The following DEPTOR variants were observed in gnomAD, a reference collection of about 807,000 sequenced individuals.
DEPTOR encodes the protein DEP domain containing MTOR interacting protein.
Under a neutral mutation model 41.6 loss-of-function variants are expected in DEPTOR, and 41 were observed. The observed-to-expected ratio is 0.98, with a 90% confidence interval of 0.77 to 1.28. The LOEUF (loss-of-function observed/expected upper bound fraction) is 1.28. DEPTOR is among the 50% of genes most tolerant of loss of function. The pLI is 0.00. For missense variants in DEPTOR, 514 were observed against 527.9 expected, an observed-to-expected ratio of 0.97 and a Z score of 0.26; for synonymous variants, 195 against 192.3, an observed-to-expected ratio of 1.01 and a Z score of -0.12.
At position 120,021,670 on chromosome 8, in the gene DEPTOR, A is replaced by G. The variant is rs74513929; in HGVS notation, c.1101+12537A>G. ...TGCCATATTGCAGTATACTATTCCA[A>G]TTCTTTCTAGTCTTAGAAAAACTAA... is the stretch of plus-strand genomic sequence containing the variant. On this transcript the variant is annotated intron_variant, in intron 8 of 8. Transcript: ENST00000286234. Among the ~76,000 whole-genome samples the G allele has an allele frequency of 9.1e-3, 1,393 of 152,272 alleles. 20 individuals are homozygous for G. The highest frequency in any genetic ancestry group is 0.031 in the African/African-American group (1,285 of 41,550).
intron 8 of DEPTOR, among the ~76,000 whole-genome samples, chr8:120,010,587 A>G (rs571464059): frequency 1.3e-5 from 2 of 150,556 alleles, no homozygotes; most frequent in South Asian, 2.1e-4. Context: ...ATGTACCCCA[A>G]CCTGGGTGAC....
intron 4 of DEPTOR, among the ~76,000 whole-genome samples, chr8:119,984,880 C>T (rs966238500): frequency 6.6e-6 from 1 of 152,038 alleles, no homozygotes; most frequent in Non-Finnish European, 1.5e-5. Flanking sequence ...TTTACACTCC[C>T]ACCAACAGTA....
intron 1 of DEPTOR, among the ~76,000 whole-genome samples, chr8:119,910,019 G>A (rs910701534): frequency 9.9e-5 from 15 of 152,112 alleles, no homozygotes; most frequent in Non-Finnish European, 1.5e-5. Context: ...TGGCTTTGGC[G>A]CCTCTTGTAT....
At chr8:119,986,556 GA>G (rs1358879344) in intron 4 of DEPTOR, among the ~76,000 whole-genome samples, 1 of 151,986 alleles carries the variant, frequency 6.6e-6, no homozygotes, top group Non-Finnish European at 1.5e-5. Flanking sequence ...TGTGTTTCCT[GA>G]ATTTGAATGT....
chr8:120,024,701 GATGCTCCCCTAGAGCCATCAGAGGGAGC>G (rs1812772710), intron 8 of DEPTOR, among the ~76,000 whole-genome samples: 1 of 152,146 alleles, frequency 6.6e-6, no homozygotes, highest in Non-Finnish European at 1.5e-5. Context: ...CACAAGGAAG[GATGCTCCCCTAGAGCCATCAGAGGGAGC>G]ATGGCCTGCC....
intron 8 of DEPTOR, among the ~76,000 whole-genome samples, chr8:120,039,494 T>C (rs1813026221): frequency 6.6e-6 from 1 of 152,208 alleles, no homozygotes; most frequent in Admixed American, 6.5e-5. Context: ...CAATCTGATA[T>C]CATGTTATGA....
chr8:119,936,010 T>TG (rs1367457133), intron 3 of DEPTOR, among the ~76,000 whole-genome samples: 1 of 151,252 alleles, frequency 6.6e-6, no homozygotes, highest in Non-Finnish European at 1.5e-5. Context: ...TTTTTTTTTT[T>TG]TTTTTTTTTA....
At chr8:119,959,885 G>A (rs929940238) in intron 3 of DEPTOR, among the ~76,000 whole-genome samples, 2 of 152,086 alleles carry the variant, frequency 1.3e-5, no homozygotes, top group African/African-American at 4.8e-5. Flanking sequence ...GGTCTTTAAT[G>A]AGTTCTATTA....
At chr8:119,994,231 G>A (rs1400943320) in intron 4 of DEPTOR, among the ~76,000 whole-genome samples, 6 of 152,060 alleles carry the variant, frequency 3.9e-5, no homozygotes, top group South Asian at 2.1e-4. Context: ...CAGGGCAATC[G>A]CTTGAACCCT....
At chr8:119,943,841 T>A (rs1828234213) in intron 3 of DEPTOR, among the ~76,000 whole-genome samples, 1 of 152,022 alleles carries the variant, frequency 6.6e-6, no homozygotes, top group African/African-American at 2.4e-5. Context: ...TATTTTATTA[T>A]TATTATTATT....
At chr8:119,949,228 C>A (rs1828321630) in intron 3 of DEPTOR, among the ~76,000 whole-genome samples, 1 of 152,206 alleles carries the variant, frequency 6.6e-6, no homozygotes, top group Admixed American at 6.5e-5. Flanking sequence ...TGTTTATAGC[C>A]AACTAATTCC....
chr8:119,881,324 C>T (rs1827293787), intron 1 of DEPTOR, among the ~76,000 whole-genome samples: 2 of 152,076 alleles, frequency 1.3e-5, no homozygotes, highest in Admixed American at 6.6e-5. Flanking sequence ...AAGTTCCAGA[C>T]CAGCCTGGCC....
chr8:119,883,196 C>T (rs933798359), intron 1 of DEPTOR, among the ~76,000 whole-genome samples: 1 of 151,972 alleles, frequency 6.6e-6, no homozygotes, highest in Admixed American at 6.6e-5. Flanking sequence ...GCTTTAGGGC[C>T]GGGCGCGGTG....
At chr8:119,889,627 AAGGGAAGGGG>A (rs1827422871) in intron 1 of DEPTOR, among the ~76,000 whole-genome samples, 3 of 20,428 alleles carry the variant, frequency 1.5e-4, no homozygotes, top group East Asian at 5.8e-3. Flanking sequence ...GAGGGGAGGG[AAGGGAAGGGG>A]AGGGGAGGGG....
chr8:119,919,054 T>C (rs1827857193), intron 1 of DEPTOR, among the ~76,000 whole-genome samples: 1 of 152,184 alleles, frequency 6.6e-6, no homozygotes, highest in South Asian at 2.1e-4. Context: ...AGTTCTATTC[T>C]CTTTCCTTCT....
Position 119,873,795 on chromosome 8 carries a change from C to G in DEPTOR, c.-52C>G, listed in dbSNP as rs781625243. On this transcript the variant is annotated 5_prime_UTR_variant, in exon 1 of 9. Coordinates refer to ENST00000286234, the MANE Select transcript of DEPTOR (RefSeq NM_022783.4). ...TGTGAGGGCAGACTGATCCGAGCAC[C>G]CAAACCCTCGGCGGACAGCGGAGCC... is the stretch of plus-strand genomic sequence containing the variant. 28 of 1,604,054 alleles carry G rather than the reference C, an allele frequency of 1.7e-5. No homozygotes were observed. The highest frequency in any genetic ancestry group is 2.3e-5 in the Non-Finnish European group (27 of 1,175,436).
intron 6 of DEPTOR, among the ~76,000 whole-genome samples, chr8:120,004,099 C>G (rs976779104): frequency 3.3e-5 from 5 of 152,308 alleles, no homozygotes; most frequent in Admixed American, 1.3e-4. Context: ...TAACCCCCAA[C>G]TCAATGAAAA....
intron 8 of DEPTOR, among the ~76,000 whole-genome samples, chr8:120,036,403 G>T (rs1812980122): frequency 6.6e-6 from 1 of 152,200 alleles, no homozygotes; most frequent in Non-Finnish European, 1.5e-5. Context: ...ATAAAGCTTA[G>T]AGGAAGACTA....
Position 120,009,130 on chromosome 8 carries a change from G to A in DEPTOR, c.1098G>A (p.Met366Ile). The part of the protein sequence containing the change: ...DPSGPAAAAG[M>I]KVCQFVVSVN... ...GTGGCCCTGCAGCCGCAGCAGGAAT[G>A]AAGGTACTAACGGGTCTTTCTCACC... The change falls in exon 8 of 9, where the codon ATG becomes ATA. Residue 366 changes from methionine (M) to isoleucine (I), a missense_variant. Physicochemically the swap from Met to Ile is conservative, Grantham distance 10. Coordinates refer to ENST00000286234, the MANE Select transcript of DEPTOR (RefSeq NM_022783.4). The A allele has an allele frequency of 6.2e-7, 1 of 1,613,700 alleles. No homozygotes were observed. Among genetic ancestry groups the A allele is most frequent in the Non-Finnish European group, 8.5e-7 (1 of 1,179,860 alleles).
Sources: gnomAD v4.1 joint callset for allele counts (sites outside exome capture counted in the v4.1 genomes callset) on GRCh38, gnomAD v4.1.1 for gene constraint, MANE v1.5 for transcripts, NCBI Gene and HGNC (gene_info 2026-07-23, HGNC 2026-07-21) for gene names.